Variants in MAPKAP1 observed in about 807,000 individuals in gnomAD.
MAPKAP1 encodes MAPK associated protein 1.
In MAPKAP1, 20 loss-of-function variants were observed where a neutral mutation model predicts 65.7. The observed-to-expected ratio is 0.30, with a 90% CI of 0.21 to 0.44. The LOEUF is 0.44. MAPKAP1 is among the 20% of genes least tolerant of loss of function. The probability of loss-of-function intolerance (pLI) is 1.00; values close to 1 mark genes in which losing one functional copy is unlikely to be tolerated. For missense variants in MAPKAP1, 423 were observed against 648.0 expected, an observed-to-expected ratio of 0.65 and a Z score of 3.77; for synonymous variants, 222 against 244.3, an observed-to-expected ratio of 0.91 and a Z score of 0.85.
intron 8 of MAPKAP1, among the ~76,000 whole-genome samples, chr9:125,489,505 A>G (rs1263664202): frequency 1.3e-5 from 2 of 152,182 alleles, no homozygotes; most frequent in Non-Finnish European, 2.9e-5. Context: ...GGTGGGGCCT[A>G]ATAGTGACTT....
intron 4 of MAPKAP1, among the ~76,000 whole-genome samples, chr9:125,602,387 A>G (rs909648004): frequency 2.0e-5 from 3 of 152,250 alleles, no homozygotes; most frequent in African/African-American, 4.8e-5. Flanking sequence ...AGCAGCCCAA[A>G]AAGTCTGATT....
intron 4 of MAPKAP1, among the ~76,000 whole-genome samples, chr9:125,592,558 C>T (rs889388025): frequency 2.0e-5 from 3 of 151,970 alleles, no homozygotes; most frequent in East Asian, 1.9e-4. Flanking sequence ...AAGAGAGGAT[C>T]GATTTCAAAA....
intron 4 of MAPKAP1, among the ~76,000 whole-genome samples, chr9:125,633,962 T>C (rs1833356434): frequency 6.6e-6 from 1 of 152,268 alleles, no homozygotes; most frequent in African/African-American, 2.4e-5. Flanking sequence ...ATTAATATGC[T>C]GGAATCCGAT....
chr9:125,546,053 G>A (rs1830413368), intron 6 of MAPKAP1, among the ~76,000 whole-genome samples: 1 of 152,186 alleles, frequency 6.6e-6, no homozygotes, highest in Non-Finnish European at 1.5e-5. Context: ...GAATGTTAAC[G>A]ATAGTGATCA....
intron 6 of MAPKAP1, among the ~76,000 whole-genome samples, chr9:125,556,904 T>A (rs1021847802): frequency 6.6e-6 from 1 of 152,174 alleles, no homozygotes; most frequent in Non-Finnish European, 1.5e-5. Flanking sequence ...ATCAGACGAC[T>A]GAGAAAAAGA....
chr9:125,528,446 G>A (rs1053007613), intron 7 of MAPKAP1, among the ~76,000 whole-genome samples: 2 of 152,200 alleles, frequency 1.3e-5, no homozygotes, highest in African/African-American at 4.8e-5. Context: ...GGAGATGCGT[G>A]GAAACGAGTG....
At position 125,437,644 on chromosome 9, in the gene MAPKAP1, C is replaced by A. The variant is rs1589188785; in HGVS notation, c.*1243G>T. 6.6e-6 allele frequency: 1 copy of A among 152,526 alleles called. No individual in the cohort carries two copies. Among genetic ancestry groups the A allele is most frequent in the Non-Finnish European group, 1.5e-5 (1 of 68,028 alleles). The allele number at this position is 152,526 out of a possible 1,614,324, so 9.4% of individuals were successfully genotyped here. A position where few individuals can be genotyped will look rare whatever the true frequency, so the allele number is the denominator to read the frequency against. ...TGAAAGAAGAATTCATCAGCATGAC[C>A]CCTTGTGCAAAGAAATACACTCAGC... is the stretch of plus-strand genomic sequence containing the variant. On this transcript the variant is annotated 3_prime_UTR_variant, in exon 12 of 12. Coordinates refer to ENST00000265960, the MANE Select transcript of MAPKAP1 (RefSeq NM_001006617.3).
intron 7 of MAPKAP1, among the ~76,000 whole-genome samples, chr9:125,530,650 A>C (rs1410033880): frequency 6.6e-6 from 1 of 152,234 alleles, no homozygotes; most frequent in Non-Finnish European, 1.5e-5. Flanking sequence ...AAATCATTTG[A>C]GTTGACTCTC....
intron 5 of MAPKAP1, among the ~76,000 whole-genome samples, chr9:125,583,334 A>C (rs1831680433): frequency 6.6e-6 from 1 of 152,098 alleles, no homozygotes; most frequent in Non-Finnish European, 1.5e-5. Flanking sequence ...TCACCCCCAA[A>C]TGTGGGGTTA....
At chr9:125,600,242 C>T (rs1193314153) in intron 4 of MAPKAP1, among the ~76,000 whole-genome samples, 2 of 150,920 alleles carry the variant, frequency 1.3e-5, no homozygotes, top group Non-Finnish European at 2.9e-5. Context: ...GGCCAGTCCA[C>T]TCCGTATCAG....
chr9:125,686,395 G>C (rs570298525), intron 1 of MAPKAP1, among the ~76,000 whole-genome samples: 17 of 151,488 alleles, frequency 1.1e-4, no homozygotes, highest in Non-Finnish European at 1.8e-4. Context: ...TTACCACAAA[G>C]ATCACTCAGG....
At chr9:125,656,523 T>C (rs905197788) in intron 4 of MAPKAP1, among the ~76,000 whole-genome samples, 13 of 152,244 alleles carry the variant, frequency 8.5e-5, no homozygotes, top group South Asian at 6.2e-4. Context: ...CCAGTGGCCA[T>C]ACATGCTTAC....
intron 4 of MAPKAP1, among the ~76,000 whole-genome samples, chr9:125,632,264 C>A (rs1173492243): frequency 6.6e-6 from 1 of 150,664 alleles, no homozygotes; most frequent in Non-Finnish European, 1.5e-5. Context: ...CTAAACTTTT[C>A]CTCTCATAGC....
intron 4 of MAPKAP1, among the ~76,000 whole-genome samples, chr9:125,601,259 T>C (rs368074823): frequency 1.2e-4 from 19 of 152,182 alleles, no homozygotes; most frequent in African/African-American, 4.1e-4. Flanking sequence ...ATTTCAAAGA[T>C]AGCGAAGTAT....
At chr9:125,581,637 T>C (rs1831629255) in intron 5 of MAPKAP1, among the ~76,000 whole-genome samples, 2 of 152,236 alleles carry the variant, frequency 1.3e-5, no homozygotes, top group Non-Finnish European at 2.9e-5. Flanking sequence ...TAGCTTGTCC[T>C]TTCATCCTCT....
At position 125,672,445 on chromosome 9, in the gene MAPKAP1, G is replaced by C; in HGVS notation, c.130C>G (p.Pro44Ala). The C allele has an allele frequency of 6.2e-7, 1 of 1,614,136 alleles. No individual in the cohort carries two copies. ...GACCCACTGTCTCCAGGCATTGAAG[G>C]AGGATGAATCTTCTCTAGGTCAACA... ...HDVDLEKIHPPSMPGDSGSEI... is the reference protein window; with the variant it reads ...HDVDLEKIHPASMPGDSGSEI... Residue 44 changes from proline to alanine, a missense_variant, in exon 2 of 12, where the codon CCT becomes GCT. Physicochemically the swap from Pro to Ala is conservative, Grantham distance 27. This residue lies in a region of MAPKAP1 where 58 missense variants were observed against 56.9 expected (regional missense o/e 1.02). Coordinates refer to ENST00000265960, the MANE Select transcript of MAPKAP1 (RefSeq NM_001006617.3).
Position 125,672,222 on chromosome 9 carries a change from T to C in MAPKAP1, c.259+94A>G. 2.2e-6 allele frequency: 3 copies of C among 1,375,734 alleles called. No individual in the cohort carries two copies. In the South Asian group the frequency reaches 4.0e-5, roughly 18 times the overall value. 85.2% of individuals were successfully genotyped at this position (1,375,734 alleles called of 1,614,324 possible). On this transcript the variant is annotated intron_variant, in intron 2 of 11. Transcript: ENST00000265960. ...ATGTTCCTATTAATACCCGGAAACA[T>C]CCCCCATTAAGCCTATTCCAATATT...
intron 10 of MAPKAP1, among the ~76,000 whole-genome samples, chr9:125,461,479 G>A (rs1853492119): frequency 1.3e-5 from 2 of 152,190 alleles, no homozygotes; most frequent in South Asian, 4.1e-4. Flanking sequence ...AAGGAGAGGT[G>A]CATCCAAATG....
intron 10 of MAPKAP1, among the ~76,000 whole-genome samples, chr9:125,451,456 A>T (rs991196524): frequency 1.3e-5 from 2 of 152,084 alleles, no homozygotes; most frequent in African/African-American, 4.8e-5. Context: ...CTTGGGTTTT[A>T]GTTACTACTC....
Sources: gnomAD v4.1 joint callset for allele counts (sites outside exome capture counted in the v4.1 genomes callset) on GRCh38, gnomAD v4.1.1 for gene constraint, gnomAD v4.1.1 regional missense constraint, MANE v1.5 for transcripts, NCBI Gene and HGNC (gene_info 2026-07-23, HGNC 2026-07-21) for gene names.